PCGF3: variants seen among roughly 807,000 people sequenced by gnomAD.
PCGF3 encodes polycomb group ring finger 3, also known as polycomb group RING finger protein 3.
PCGF3 carries 7 observed loss-of-function variants against 33.1 expected under a neutral mutation model. The ratio of observed to expected loss-of-function variants is 0.21; its 90% confidence interval spans 0.12 to 0.40. The LOEUF (loss-of-function observed/expected upper bound fraction) is 0.40, where lower values mean the gene tolerates loss of function less well. Among genes scored for constraint, PCGF3 ranks in the 10% least tolerant of loss-of-function variants. The pLI, the probability that PCGF3 is intolerant of heterozygous loss-of-function variation, is 1.00. For synonymous variants in PCGF3, 153 were observed against 121.3 expected, an observed-to-expected ratio of 1.26 and a Z score of -1.72; for missense variants, 211 against 313.3, an observed-to-expected ratio of 0.67 and a Z score of 2.46.
intron 1 of PCGF3, among the ~76,000 whole-genome samples, chr4:717,906 C>G (rs1742924039): frequency 6.6e-6 from 1 of 152,202 alleles, no homozygotes; most frequent in Admixed American, 6.5e-5. Context: ...CTCGATGGCC[C>G]TGAGGAGCCT....
At chr4:766,402 C>T (rs1158911538) in exon 11 of PCGF3, 2 of 246,126 alleles carry the variant, frequency 8.1e-6, no homozygotes, top group Non-Finnish European at 7.8e-6. Context: ...TGCTTGCTTT[C>T]CAGGTCTTGA....
At chr4:727,969 G>T (rs1376069998) in intron 1 of PCGF3, among the ~76,000 whole-genome samples, 1 of 152,180 alleles carries the variant, frequency 6.6e-6, no homozygotes, top group African/African-American at 2.4e-5. Flanking sequence ...TGTCTTGGAA[G>T]GGACTTTCTG....
chr4:766,306 C>T lies in PCGF3; in HGVS notation c.*227C>T, dbSNP rs1745371140. 6.2e-6 allele frequency: 3 copies of T among 482,330 alleles called. No homozygotes were observed. In the Admixed American group the frequency reaches 1.2e-4, roughly 19 times the overall value. The allele number at this position is 482,330 out of a possible 1,614,324, so 29.9% of individuals were successfully genotyped here. A position where few individuals can be genotyped will look rare whatever the true frequency, so the allele number is the denominator to read the frequency against. On this transcript the variant is annotated 3_prime_UTR_variant, in exon 11 of 11. Transcript: ENST00000362003. ...CTCCCAGAGCCGATCGTCCTCTCCC[C>T]CGCCCCACCCCGTGCTTCAGCCTTG... is the stretch of plus-strand genomic sequence containing the variant.
intron 3 of PCGF3, among the ~76,000 whole-genome samples, chr4:733,059 G>A (rs199793490): frequency 0.21 from 31,254 of 146,480 alleles, 3,680 homozygotes; most frequent in South Asian, 0.28. Context: ...GGCCCCTGCC[G>A]CGTGCTGCCT....
intron 1 of PCGF3, among the ~76,000 whole-genome samples, chr4:716,808 T>C (rs868335725): frequency 1.8e-3 from 140 of 78,548 alleles, no homozygotes; most frequent in South Asian, 3.1e-3. Context: ...ACCCTGTAGA[T>C]ACTGTGAGTG....
intron 1 of PCGF3, among the ~76,000 whole-genome samples, chr4:719,086 C>T (rs1742973340): frequency 6.6e-6 from 1 of 152,076 alleles, no homozygotes; most frequent in African/African-American, 2.4e-5. Flanking sequence ...TCCTGAGTAG[C>T]TGGGACTACA....
intron 1 of PCGF3, among the ~76,000 whole-genome samples, chr4:709,538 A>G (rs1444832703): frequency 6.6e-6 from 1 of 152,204 alleles, no homozygotes; most frequent in African/African-American, 2.4e-5. Context: ...GTATGAACAA[A>G]TGAATGAAAG....
chr4:765,592 G>A (rs1444314447), intron 10 of PCGF3, among the ~76,000 whole-genome samples: 1 of 152,232 alleles, frequency 6.6e-6, no homozygotes, highest in African/African-American at 2.4e-5. Flanking sequence ...TGAGTGCCAT[G>A]AGCAGAGGGT....
At chr4:722,630 G>A (rs1416898933) in intron 1 of PCGF3, among the ~76,000 whole-genome samples, 5 of 115,048 alleles carry the variant, frequency 4.3e-5, no homozygotes, top group Admixed American at 9.2e-5. Flanking sequence ...CTCAGTCATC[G>A]CCGTCCGCGC....
intron 5 of PCGF3, among the ~76,000 whole-genome samples, chr4:736,125 G>A (rs1440515271): frequency 6.6e-6 from 1 of 151,884 alleles, no homozygotes; most frequent in Non-Finnish European, 1.5e-5. Context: ...TCAGCTCACC[G>A]CAACCTCCAC....
intron 6 of PCGF3, 31 bp downstream of exon 6, chr4:737,552 A>T (rs1157659239): frequency 2.0e-6 from 3 of 1,479,750 alleles, no homozygotes; most frequent in Non-Finnish European, 2.8e-6. Flanking sequence ...CTGATCCCTG[A>T]GGTCCCAGCC....
rs761441029 is a variant in PCGF3 at position 761,430 on chromosome 4, C to T, written c.600+14C>T. ...TCCTTTAACGAGGTAACAGTTGATC[C>T]CTAAGTAGAAACCATAACAAGTCCT... is the stretch of plus-strand genomic sequence containing the variant. On this transcript the variant is annotated intron_variant, in intron 9 of 10. Coordinates refer to ENST00000362003, the Ensembl canonical transcript of PCGF3. 17 of 1,582,842 alleles carry T rather than the reference C, an allele frequency of 1.1e-5. No individual in the cohort carries two copies. Among genetic ancestry groups the T allele is most frequent in the Non-Finnish European group, 1.5e-5 (17 of 1,162,424 alleles).
chr4:761,956 G>T lies in PCGF3; in HGVS notation c.600+540G>T, dbSNP rs1034742916. 3.0e-6 allele frequency: 3 copies of T among 985,286 alleles called. No individual in the cohort carries two copies. The African/African-American group carries it at 5.2e-5, about 17-fold the overall frequency. 61.0% of individuals were successfully genotyped at this position (985,286 alleles called of 1,614,324 possible). ...CTGGCGGCTGTGGGCAGGAGCATGG[G>T]TCTGGTGTCGTTTTTGAAAATCGCT... On this transcript the variant is annotated intron_variant, in intron 9 of 10. Coordinates refer to ENST00000362003, the Ensembl canonical transcript of PCGF3.
At chr4:708,654 G>T (rs1419839084) in intron 1 of PCGF3, among the ~76,000 whole-genome samples, 1 of 152,190 alleles carries the variant, frequency 6.6e-6, no homozygotes, top group Non-Finnish European at 1.5e-5. Context: ...CTGCTGTCCT[G>T]TCCTTGCCTT....
chr4:715,419 A>T (rs1742776866), intron 1 of PCGF3, among the ~76,000 whole-genome samples: 1 of 143,782 alleles, frequency 7.0e-6, no homozygotes, highest in African/African-American at 2.6e-5. Context: ...ACTGAGTGTG[A>T]GCACTGGGCG....
intron 6 of PCGF3, 29 bp downstream of exon 6, chr4:737,550 T>G (rs748628167): frequency 6.7e-7 from 1 of 1,487,264 alleles, no homozygotes; most frequent in South Asian, 1.1e-5. Context: ...TGCTGATCCC[T>G]GAGGTCCCAG....
chr4:752,558 A>G (rs1461019773), intron 8 of PCGF3, among the ~76,000 whole-genome samples: 3 of 150,900 alleles, frequency 2.0e-5, no homozygotes, highest in African/African-American at 7.4e-5. Context: ...CGGGCGGGCA[A>G]GGGTGGGGTT....
At chr4:707,494 TGG>T (rs1560192429) in intron 1 of PCGF3, among the ~76,000 whole-genome samples, 3 of 132,594 alleles carry the variant, frequency 2.3e-5, no homozygotes, top group Admixed American at 7.3e-5. Flanking sequence ...GCCGGGACCC[TGG>T]GACAGCCTGT....
intron 1 of PCGF3, among the ~76,000 whole-genome samples, chr4:710,242 G>A (rs1742507966): frequency 6.6e-6 from 1 of 152,216 alleles, no homozygotes; most frequent in South Asian, 2.1e-4. Context: ...GACTGGGGAG[G>A]GTCCGCAGCC....
Sources: gnomAD v4.1 joint callset for allele counts (sites outside exome capture counted in the v4.1 genomes callset) on GRCh38, gnomAD v4.1.1 for gene constraint, MANE v1.5 for transcripts, NCBI Gene and HGNC (gene_info 2026-07-23, HGNC 2026-07-21) for gene names.